The following CRYBG3 variants were observed in gnomAD, a reference collection of about 807,000 sequenced individuals.
The protein encoded by CRYBG3 is crystallin beta-gamma domain containing 3.
A neutral mutation model predicts 244.2 loss-of-function variants in CRYBG3; 127 were observed. The ratio of observed to expected loss-of-function variants is 0.52; its 90% CI spans 0.45 to 0.60. CRYBG3 has a LOEUF of 0.60. Among genes scored for constraint, CRYBG3 ranks in the 20% least tolerant of loss-of-function variants. The pLI is 0.00. For synonymous variants in CRYBG3, 1,132 were observed against 1,195.8 expected, an observed-to-expected ratio of 0.95 and a Z score of 1.10; for missense variants, 3,325 against 3,442.5, an observed-to-expected ratio of 0.97 and a Z score of 0.85.
At chr3:97,890,698 G>T (rs1377970182) in intron 10 of CRYBG3, among the ~76,000 whole-genome samples, 2 of 152,118 alleles carry the variant, frequency 1.3e-5, no homozygotes, top group Admixed American at 6.6e-5. Context: ...TTAGTCGTAA[G>T]GAAGCTATAA....
intron 3 of CRYBG3, among the ~76,000 whole-genome samples, chr3:97,868,276 T>C (rs1444192664): frequency 8.1e-5 from 10 of 124,112 alleles, no homozygotes; most frequent in Non-Finnish European, 1.7e-4. Context: ...AGAGCGAGAC[T>C]CCATCTCAAA....
At chr3:97,891,815 C>T (rs1176641695) in intron 10 of CRYBG3, among the ~76,000 whole-genome samples, 2 of 152,102 alleles carry the variant, frequency 1.3e-5, no homozygotes, top group Non-Finnish European at 2.9e-5. Flanking sequence ...GGGAGCATTG[C>T]CGTGGTAGAG....
intron 21 of CRYBG3, 163 bp downstream of exon 21, chr3:97,942,606 T>G: frequency 1.5e-6 from 1 of 659,560 alleles, no homozygotes; most frequent in Non-Finnish European, 2.4e-6. Flanking sequence ...AACAAAACAA[T>G]TAGCAGAAAA....
chr3:97,852,313 A>C (rs970352691), intron 2 of CRYBG3, among the ~76,000 whole-genome samples: 1 of 152,188 alleles, frequency 6.6e-6, no homozygotes, highest in Non-Finnish European at 1.5e-5. Flanking sequence ...CATGGAATCT[A>C]AAGGAAGAAT....
At chr3:97,921,003 A>C (rs759990241) in intron 17 of CRYBG3, among the ~76,000 whole-genome samples, 1 of 152,028 alleles carries the variant, frequency 6.6e-6, no homozygotes, top group Non-Finnish European at 1.5e-5. Flanking sequence ...TAGCCTTCCC[A>C]TAAAGCCCAG....
chr3:97,932,158 T>A (rs1390445252), intron 17 of CRYBG3, among the ~76,000 whole-genome samples: 1 of 152,038 alleles, frequency 6.6e-6, no homozygotes, highest in Non-Finnish European at 1.5e-5. Context: ...TACCAGTTTT[T>A]TTTATTTTTT....
chr3:97,915,934 A>T (rs906930486), intron 17 of CRYBG3, among the ~76,000 whole-genome samples, 198 bp downstream of exon 17: 5 of 152,086 alleles, frequency 3.3e-5, no homozygotes, highest in Non-Finnish European at 4.4e-5. Context: ...CTCCTTTTTT[A>T]AAAAAAGCAG....
rs773351860 is a variant in CRYBG3, at chr3:97,915,601, G to A, written c.8115-9G>A. ...AATTTGATTGAATGTCTTACTGCTTGGCTTTTAGCTGGCTCCTCTATTACC... is the reference window on the plus strand; with the variant it reads ...AATTTGATTGAATGTCTTACTGCTTAGCTTTTAGCTGGCTCCTCTATTACC... On this transcript the variant is annotated splice_polypyrimidine_tract_variant and intron_variant, in intron 16 of 21. Coordinates refer to ENST00000389622, the MANE Select transcript of CRYBG3 (RefSeq NM_153605.4). The A allele has an allele frequency of 6.2e-7, 1 of 1,606,334 alleles. No individual in the cohort carries two copies. Among genetic ancestry groups the A allele is most frequent in the Non-Finnish European group, 8.5e-7 (1 of 1,174,692 alleles).
intron 17 of CRYBG3, among the ~76,000 whole-genome samples, chr3:97,929,799 A>G (rs2107092936): frequency 6.6e-6 from 1 of 151,962 alleles, no homozygotes; most frequent in Non-Finnish European, 1.5e-5. Context: ...TGTTTCAAAT[A>G]TTTTCTGTCA....
At chr3:97,891,170 CAAG>C (rs1449971017) in intron 10 of CRYBG3, among the ~76,000 whole-genome samples, 6 of 152,060 alleles carry the variant, frequency 3.9e-5, no homozygotes, top group African/African-American at 7.2e-5. Context: ...CCTGGAATCT[CAAG>C]AGAGTTCTTT....
intron 2 of CRYBG3, among the ~76,000 whole-genome samples, chr3:97,853,406 T>C (rs1283247641): frequency 5.4e-5 from 8 of 147,682 alleles, no homozygotes; most frequent in Non-Finnish European, 9.0e-5. Context: ...ACACATACAA[T>C]ACACACACAC....
At chr3:97,933,559 T>C in intron 17 of CRYBG3, 135 bp from the exon 18 acceptor site, 1 of 892,956 alleles carries the variant, frequency 1.1e-6, no homozygotes, top group Non-Finnish European at 1.8e-6. Context: ...GTTTTGACTA[T>C]AGCAACCTTA....
At chr3:97,882,363 A>C (rs1412966281) in intron 7 of CRYBG3, among the ~76,000 whole-genome samples, 1 of 150,982 alleles carries the variant, frequency 6.6e-6, no homozygotes, top group Non-Finnish European at 1.5e-5. Context: ...GCTACTACTT[A>C]GTATAGACGT....
intron 6 of CRYBG3, 129 bp from the exon 7 acceptor site, chr3:97,880,943 A>C (rs1024630671): frequency 2.6e-5 from 15 of 585,964 alleles, no homozygotes; most frequent in African/African-American, 2.5e-4. Context: ...TTCAAAAAAT[A>C]GGGTTATATG....
chr3:97,943,976 C>T lies in CRYBG3; in HGVS notation c.*662C>T. The stretch of plus-strand genomic sequence containing the variant: ...CTCAGTCCTTCAAACTAAAAAAGTA[C>T]AAATAAATAACCTATGGCCAAACTT... On this transcript the variant is annotated 3_prime_UTR_variant, in exon 22 of 22. Transcript: ENST00000389622. 2 of 151,866 alleles carry T rather than the reference C, an allele frequency of 1.3e-5. 1 individual carries two copies. The highest frequency in any genetic ancestry group is 3.9e-4 in the East Asian group (2 of 5,180). 9.4% of individuals were successfully genotyped at this position (151,866 alleles called of 1,614,324 possible). A position where few individuals can be genotyped will look rare whatever the true frequency, so the allele number is the denominator to read the frequency against.
Position 97,864,343 on chromosome 3 carries a change from A to C in CRYBG3, c.343A>C (p.Arg115=). 1 of 1,536,024 alleles carries C rather than the reference A, an allele frequency of 6.5e-7. No individual in the cohort carries two copies. The highest frequency in any genetic ancestry group is 8.7e-7 in the Non-Finnish European group (1 of 1,146,830). The change falls in exon 3 of 22, where the codon AGA becomes CGA. Residue 115 remains arginine, a synonymous_variant. Coordinates refer to ENST00000389622, the MANE Select transcript of CRYBG3 (RefSeq NM_153605.4). ...AGATACCAAAATAGGAGAAAGTGACAGACAGCCAAAAGAAAGCTTTTTTCA... is the reference window on the plus strand; with the variant it reads ...AGATACCAAAATAGGAGAAAGTGACCGACAGCCAAAAGAAAGCTTTTTTCA... ...TSDTKIGESD[R]QPKESFFQFL... is the part of the protein sequence containing the mutation.
rs547782656 is a variant in CRYBG3 at position 97,891,552 on chromosome 3, A to G, written c.7441-1308A>G. On this transcript the variant is annotated intron_variant, in intron 10 of 21. Coordinates refer to ENST00000389622, the MANE Select transcript of CRYBG3 (RefSeq NM_153605.4). ...TTCATCATAAGCTTCGTCACTGTCA[A>G]GACACTTTCGTAAGCAGTCATACCA... Among the ~76,000 whole-genome samples, 4 of 152,286 alleles carry G rather than the reference A, an allele frequency of 2.6e-5. No individual in the cohort carries two copies. In the East Asian group the frequency reaches 7.7e-4, roughly 29 times the overall value.
chr3:97,864,195 AT>A, intron 2 of CRYBG3, 21 bp from the exon 3 acceptor site: 1 of 1,453,672 alleles, frequency 6.9e-7, no homozygotes, highest in Non-Finnish European at 9.0e-7. Context: ...GATGCTTATG[AT>A]TGTCTATTTT....
chr3:97,921,907 G>A (rs980354184), intron 17 of CRYBG3, among the ~76,000 whole-genome samples: 1 of 152,160 alleles, frequency 6.6e-6, no homozygotes, highest in Admixed American at 6.6e-5. Flanking sequence ...TGGAATGGAA[G>A]TTTGGCTGCC....
Sources: allele counts gnomAD v4.1 joint callset (sites outside exome capture counted in the v4.1 genomes callset), GRCh38; gene constraint gnomAD v4.1.1; transcripts MANE v1.5; gene names NCBI Gene and HGNC (gene_info 2026-07-23, HGNC 2026-07-21).